NDST4: variants seen among roughly 807,000 people sequenced by gnomAD.
NDST4 encodes the protein N-deacetylase and N-sulfotransferase 4.
NDST4 carries 63 observed loss-of-function variants against 100.8 expected under a neutral mutation model. The observed-to-expected ratio is 0.62, with a 90% CI of 0.51 to 0.77. NDST4 has a LOEUF of 0.77. Among genes scored for constraint, NDST4 ranks in the 30% least tolerant of loss-of-function variants. NDST4 has a pLI of 0.00. For missense variants in NDST4, 943 were observed against 1,018.4 expected, an observed-to-expected ratio of 0.93 and a Z score of 1.01; for synonymous variants, 377 against 361.8, an observed-to-expected ratio of 1.04 and a Z score of -0.48.
intron 6 of NDST4, among the ~76,000 whole-genome samples, chr4:114,901,114 T>C (rs1169855915): frequency 6.6e-6 from 1 of 151,950 alleles, no homozygotes; most frequent in Admixed American, 6.6e-5. Context: ...AGACGGTGTA[T>C]TATGCTGTTG....
intron 1 of NDST4, among the ~76,000 whole-genome samples, chr4:115,085,106 T>G (rs1255101540): frequency 6.6e-6 from 1 of 152,230 alleles, no homozygotes; most frequent in Non-Finnish European, 1.5e-5. Context: ...ATGACCTGCA[T>G]GTGAGACATG....
chr4:114,939,684 C>CAAAA (rs11405644), intron 4 of NDST4, among the ~76,000 whole-genome samples: 3 of 148,494 alleles, frequency 2.0e-5, no homozygotes, highest in South Asian at 2.1e-4. Flanking sequence ...GTAGAACTTT[C>CAAAA]AAAAAAAAAA....
At chr4:115,105,454 C>A (rs1287582282) in intron 1 of NDST4, among the ~76,000 whole-genome samples, 2 of 152,030 alleles carry the variant, frequency 1.3e-5, no homozygotes, top group African/African-American at 4.8e-5. Flanking sequence ...TACTCTAGGG[C>A]ATATCCTGAG....
intron 6 of NDST4, among the ~76,000 whole-genome samples, chr4:114,906,320 CT>C (rs1724947871): frequency 1.3e-5 from 2 of 151,788 alleles, no homozygotes; most frequent in African/African-American, 4.8e-5. Context: ...ATAAAAGTCC[CT>C]TCTAGTTTTA....
At chr4:114,841,310 G>A (rs1290993640) in intron 10 of NDST4, among the ~76,000 whole-genome samples, 1 of 152,172 alleles carries the variant, frequency 6.6e-6, no homozygotes, top group Non-Finnish European at 1.5e-5. Context: ...GACATTTGTA[G>A]GAGTTTCTGA....
At chr4:114,905,888 A>AT (rs1166890196) in intron 6 of NDST4, among the ~76,000 whole-genome samples, 3 of 151,758 alleles carry the variant, frequency 2.0e-5, no homozygotes, top group South Asian at 2.1e-4. Flanking sequence ...AGGTAACTGA[A>AT]TTTTTTTTGC....
At chr4:115,088,498 T>C (rs937063937) in intron 1 of NDST4, among the ~76,000 whole-genome samples, 2 of 152,010 alleles carry the variant, frequency 1.3e-5, no homozygotes, top group African/African-American at 4.8e-5. Flanking sequence ...TTCAGGTATC[T>C]GAATGGCTTC....
At chr4:115,089,845 T>A (rs1444937244) in intron 1 of NDST4, among the ~76,000 whole-genome samples, 4 of 151,882 alleles carry the variant, frequency 2.6e-5, no homozygotes, top group Non-Finnish European at 5.9e-5. Context: ...TATCTCTAAG[T>A]TTACTGATTA....
intron 6 of NDST4, among the ~76,000 whole-genome samples, chr4:114,901,194 T>C (rs2126210192): frequency 6.6e-6 from 1 of 152,162 alleles, no homozygotes; most frequent in Admixed American, 6.5e-5. Flanking sequence ...CTCAACTATG[T>C]CTTTACTGCT....
rs1726751839 is a variant in NDST4 at position 114,980,805 on chromosome 4, T to C, written c.979-3531A>G. Among the ~76,000 whole-genome samples, 9 of 152,296 alleles carry C rather than the reference T, an allele frequency of 5.9e-5. No homozygotes were observed. The South Asian group carries it at 1.9e-3, about 32-fold the overall frequency. On this transcript the variant is annotated intron_variant, in intron 2 of 13. Transcript: ENST00000264363. ...TATGAAGAACTCACTAAGTTGATTG[T>C]ATATTAAAGAGAATAAATATGTAAC...
intron 2 of NDST4, among the ~76,000 whole-genome samples, chr4:115,026,090 G>A (rs1011717057): frequency 6.6e-6 from 1 of 151,946 alleles, no homozygotes; most frequent in Non-Finnish European, 1.5e-5. Flanking sequence ...GAATAATTAA[G>A]CTATATTCCC....
At chr4:115,015,736 G>C (rs1727662478) in intron 2 of NDST4, among the ~76,000 whole-genome samples, 1 of 151,976 alleles carries the variant, frequency 6.6e-6, no homozygotes. Context: ...ACTGTCCAAT[G>C]GGCTCATGAA....
chr4:114,839,411 T>C lies in NDST4; in HGVS notation c.2253A>G (p.Ile751Met), dbSNP rs1452483227. The C allele has an allele frequency of 3.7e-6, 6 of 1,613,070 alleles. No individual in the cohort carries two copies. Among genetic ancestry groups the C allele is most frequent in the Non-Finnish European group, 5.1e-6 (6 of 1,179,314 alleles). ...TAGCAAAGTAAGTTAGCCATCTTTCTATGTGGACTGCATACCATCCAGGTA... is the reference window on the plus strand; with the variant it reads ...TAGCAAAGTAAGTTAGCCATCTTTCCATGTGGACTGCATACCATCCAGGTA... ...CLVPGWYAVH[I>M]ERWLTYFATS... The change falls in exon 11 of 14, where the codon ATA becomes ATG. Residue 751 changes from isoleucine (I) to methionine (M), a missense_variant. This residue lies in a region of NDST4 where 526 missense variants were observed against 634.1 expected (regional missense o/e 0.83). Coordinates refer to ENST00000264363, the MANE Select transcript of NDST4 (RefSeq NM_022569.3).
chr4:115,090,353 AATAATGATAGAAGATAATTTATT>A (rs770978551), intron 1 of NDST4, among the ~76,000 whole-genome samples: 11 of 151,968 alleles, frequency 7.2e-5, no homozygotes, highest in Non-Finnish European at 8.8e-5. Context: ...AAAAATCCAA[AATAATGATAGAAGATAATTTATT>A]ATAAGGAATG....
intron 2 of NDST4, among the ~76,000 whole-genome samples, chr4:114,982,466 G>A (rs181196390): frequency 6.6e-6 from 1 of 152,158 alleles, no homozygotes; most frequent in African/African-American, 2.4e-5. Context: ...TTGAACTTGA[G>A]AGAGATGATC....
At chr4:115,080,225 C>A (rs1729272862) in intron 1 of NDST4, among the ~76,000 whole-genome samples, 2 of 152,190 alleles carry the variant, frequency 1.3e-5, no homozygotes, top group Non-Finnish European at 2.9e-5. Flanking sequence ...CAGCCTCCAC[C>A]TCCCAAGGTC....
chr4:115,088,398 G>A (rs1430977613), intron 1 of NDST4, among the ~76,000 whole-genome samples: 1 of 150,300 alleles, frequency 6.7e-6, no homozygotes, highest in African/African-American at 2.5e-5. Flanking sequence ...CTGGTATAAT[G>A]CTTTGTTAGT....
In NDST4 at chr4:114,849,034, T is replaced by C. The variant is rs185240540; in HGVS notation, c.1817-696A>G. Among the ~76,000 whole-genome samples, 37 of 152,292 alleles carry C rather than the reference T, an allele frequency of 2.4e-4. No homozygotes were observed. In the Middle Eastern group the frequency reaches 0.01, roughly 42 times the overall value. ...ATACTTTTCCTTAAAAACATAAGTG[T>C]TACACAGCAAGGTTGAAAGAAGAAG... On this transcript the variant is annotated intron_variant, in intron 8 of 13. Coordinates refer to ENST00000264363, the MANE Select transcript of NDST4 (RefSeq NM_022569.3).
chr4:114,937,156 A>T (rs573994631), intron 5 of NDST4, among the ~76,000 whole-genome samples, 162 bp downstream of exon 5: 4 of 152,364 alleles, frequency 2.6e-5, no homozygotes, highest in Admixed American at 2.6e-4. Flanking sequence ...TATCACCAAA[A>T]GATGGGTTAA....
Sources: gnomAD v4.1 joint callset for allele counts (sites outside exome capture counted in the v4.1 genomes callset) on GRCh38, gnomAD v4.1.1 for gene constraint, gnomAD v4.1.1 regional missense constraint, MANE v1.5 for transcripts, NCBI Gene and HGNC (gene_info 2026-07-23, HGNC 2026-07-21) for gene names.